XKRX: variants seen among roughly 807,000 people sequenced by gnomAD.
XKRX encodes XK-related protein 2.
In XKRX, 11 loss-of-function variants were observed where a neutral mutation model predicts 22.4. That is an observed-to-expected ratio of 0.49 (90% CI 0.31 to 0.81). The LOEUF (loss-of-function observed/expected upper bound fraction) is 0.81. Among genes scored for constraint, XKRX ranks in the 40% least tolerant of loss-of-function variants. The pLI, the probability that XKRX is intolerant of heterozygous loss-of-function variation, is 0.05. For missense variants in XKRX, 320 were observed against 336.5 expected (o/e 0.95, Z 0.38); for synonymous variants, 114 against 132.2 (o/e 0.86, Z 0.94).
chrX:100,917,674 A>AAAGGAAAGAAAGAAAGAAAGAAAGAAAG (rs34196882), intron 2 of XKRX, among the ~76,000 whole-genome samples: 1 of 25,413 alleles, frequency 3.9e-5, no homozygotes, highest in East Asian at 1.0e-3. Flanking sequence ...AGAAAGAAAG[A>AAAGGAAAGAAAGAAAGAAAGAAAGAAAG]AAAGAAAGAA....
downstream of XKRX, among the ~76,000 whole-genome samples, chrX:100,912,762 G>C (rs1189163089): frequency 8.9e-6 from 1 of 111,969 alleles, no homozygotes; most frequent in Non-Finnish European, 1.9e-5. Context: ...TTACCTCAGA[G>C]GTAGCTGGCT....
Position 100,913,536 on chromosome X carries a change from C to T in XKRX, c.*802G>A, listed in dbSNP as rs1475154731. On this transcript the variant is annotated 3_prime_UTR_variant, in exon 3 of 3. Transcript: ENST00000372956. ...AGGTCCACATCAAGTAGTAAAATAC[C>T]AAGAGCACAGAAAAGCTGGGTTGGA... is the stretch of plus-strand genomic sequence containing the variant. 1 of 112,023 alleles carries T rather than the reference C, an allele frequency of 8.9e-6. No homozygotes were observed. Among genetic ancestry groups the T allele is most frequent in the Admixed American group, 9.5e-5 (1 of 10,505 alleles). The allele number at this position is 112,023 out of a possible 1,213,427, so 9.2% of individuals were successfully genotyped here. A position where few individuals can be genotyped will look rare whatever the true frequency, so the allele number is the denominator to read the frequency against.
the XKRX span, among the ~76,000 whole-genome samples, chrX:100,898,958 G>C: frequency 2.7e-5 from 3 of 111,211 alleles, no homozygotes; most frequent in Admixed American, 2.9e-4. Flanking sequence ...TTAACAAGTA[G>C]TTTAGAAAAG....
At chrX:100,938,457 C>T in the XKRX span, among the ~76,000 whole-genome samples, 2 of 110,977 alleles carry the variant, frequency 1.8e-5, no homozygotes, top group South Asian at 3.9e-4. Context: ...GGTGAAATCT[C>T]GTCTCTACTA....
chrX:100,957,116 C>G, the XKRX span: 1 of 1,158,512 alleles, frequency 8.6e-7, no homozygotes. Flanking sequence ...ACAATCCTGC[C>G]ATTGTTTATG....
At chrX:100,942,272 G>A in the XKRX span, among the ~76,000 whole-genome samples, 507 of 112,117 alleles carry the variant, frequency 4.5e-3, 5 homozygotes, top group African/African-American at 0.016. Flanking sequence ...AACATCTTCC[G>A]AGGCTCTCCT....
downstream of XKRX, among the ~76,000 whole-genome samples, chrX:100,912,963 C>T (rs760502706): frequency 1.2e-4 from 13 of 110,993 alleles, no homozygotes; most frequent in East Asian, 2.8e-4. Flanking sequence ...TTTGGGAGAC[C>T]GAGGCGGGTG....
the XKRX span, among the ~76,000 whole-genome samples, chrX:100,947,703 A>G: frequency 8.9e-6 from 1 of 111,828 alleles, no homozygotes; most frequent in African/African-American, 3.3e-5. Context: ...TTGGCATTTG[A>G]AAAACAGTCT....
At chrX:100,917,654 AAAG>A (rs1372037866) in intron 2 of XKRX, among the ~76,000 whole-genome samples, 2 of 49,618 alleles carry the variant, frequency 4.0e-5, no homozygotes, top group African/African-American at 2.1e-4. Flanking sequence ...AGAAAGAAAG[AAAG>A]AAAGAAAGAA....
upstream of XKRX, among the ~76,000 whole-genome samples, chrX:100,931,157 A>G (rs1196926755): frequency 2.7e-5 from 3 of 109,475 alleles, no homozygotes; most frequent in Non-Finnish European, 5.7e-5. Context: ...TAAAAATAAA[A>G]AAAAAAAAAA....
At chrX:100,905,357 A>G in the XKRX span, among the ~76,000 whole-genome samples, 3 of 111,902 alleles carry the variant, frequency 2.7e-5, no homozygotes, top group East Asian at 2.8e-4. Flanking sequence ...CTGGCCTTGT[A>G]TTTCTATTTA....
chrX:100,938,329 G>A, the XKRX span, among the ~76,000 whole-genome samples: 9,680 of 111,097 alleles, frequency 0.087, 892 homozygotes, highest in African/African-American at 0.28. Flanking sequence ...ATGGACTGGA[G>A]TAAAAAACTG....
At chrX:100,894,865 A>T in the XKRX span, among the ~76,000 whole-genome samples, 1 of 112,297 alleles carries the variant, frequency 8.9e-6, no homozygotes, top group East Asian at 2.8e-4. Context: ...AATAAAGTAT[A>T]AGAATTTCTG....
the XKRX span, among the ~76,000 whole-genome samples, chrX:100,897,637 G>A: frequency 1.4e-5 from 1 of 69,286 alleles, no homozygotes; most frequent in Non-Finnish European, 2.6e-5. Flanking sequence ...GTGTGTGTGT[G>A]TGTTTCCTAG....
At chrX:100,930,325 A>AATAATC (rs1556209253), upstream of XKRX, among the ~76,000 whole-genome samples, 6 of 103,198 alleles carry the variant, frequency 5.8e-5, no homozygotes, top group African/African-American at 2.2e-4. Context: ...TAATAATAAT[A>AATAATC]ATGATGATTA....
At chrX:100,918,914 C>T (rs1334811492) in intron 2 of XKRX, among the ~76,000 whole-genome samples, 1 of 110,703 alleles carries the variant, frequency 9.0e-6, no homozygotes, top group Non-Finnish European at 1.9e-5. Flanking sequence ...GGATACTATC[C>T]TGCTACTTAG....
chrX:100,917,674 A>AAAGGAAAGAAAG (rs34196882), intron 2 of XKRX, among the ~76,000 whole-genome samples: 1 of 25,413 alleles, frequency 3.9e-5, no homozygotes, highest in Admixed American at 5.6e-4. Context: ...AGAAAGAAAG[A>AAAGGAAAGAAAG]AAAGAAAGAA....
In XKRX at chrX:100,924,415, C is replaced by T. The variant is rs1452255927; in HGVS notation, c.336-1354G>A. 3.6e-5 allele frequency among the ~76,000 whole-genome samples: 4 copies of T among 111,365 alleles called. No homozygotes were observed. In the Admixed American group the frequency reaches 3.8e-4, roughly 11 times the overall value. ...CTTTCTTTACGAAGAGAAAAACATC[C>T]TTATGAAAGCCTATCATCCTTGGAA... is the stretch of plus-strand genomic sequence containing the variant. On this transcript the variant is annotated intron_variant, in intron 1 of 2. Transcript: ENST00000372956.
At chrX:100,939,633 C>T in the XKRX span, among the ~76,000 whole-genome samples, 1 of 111,855 alleles carries the variant, frequency 8.9e-6, no homozygotes, top group African/African-American at 3.3e-5. Flanking sequence ...CTTTCTCACC[C>T]CTTCAGAAAC....
Sources: gnomAD v4.1 joint callset for allele counts (sites outside exome capture counted in the v4.1 genomes callset) on GRCh38, gnomAD v4.1.1 for gene constraint, MANE v1.5 for transcripts, NCBI Gene and HGNC (gene_info 2026-07-23, HGNC 2026-07-21) for gene names.